The following CPEB4 variants were observed in gnomAD, a reference collection of about 807,000 sequenced individuals.
CPEB4 encodes the protein cytoplasmic polyadenylation element-binding protein 4.
In CPEB4, 12 loss-of-function variants were observed where a neutral mutation model predicts 72.5. That is an observed-to-expected ratio of 0.17 (90% CI 0.11 to 0.27). The LOEUF (loss-of-function observed/expected upper bound fraction) is 0.27, where lower values mean the gene tolerates loss of function less well. Ranked by LOEUF, CPEB4 falls within the 10% of genes least tolerant of loss-of-function variation. CPEB4 has a pLI of 1.00. For synonymous variants in CPEB4, 302 were observed against 326.3 expected (o/e 0.93, Z 0.80); for missense variants, 614 against 908.5 (o/e 0.68, Z 4.17).
rs1758360063 is a variant in CPEB4, at chr5:173,955,821, T to C, written c.1963-89T>C. 2 of 1,039,806 alleles carry C rather than the reference T, an allele frequency of 1.9e-6. No homozygotes were observed. Among genetic ancestry groups the C allele is most frequent in the African/African-American group, 1.6e-5 (1 of 63,382 alleles). 64.4% of individuals were successfully genotyped at this position (1,039,806 alleles called of 1,614,324 possible). A position where few individuals can be genotyped will look rare whatever the true frequency, so the allele number is the denominator to read the frequency against. ...CCTCTTTGGGCACCTTGGAACAGAT[T>C]CATTCAGATAGTGGGTGGAAATGTA... is the stretch of plus-strand genomic sequence containing the variant. On this transcript the variant is annotated intron_variant, in intron 9 of 9. Coordinates refer to ENST00000265085, the MANE Select transcript of CPEB4 (RefSeq NM_030627.4). This position sits in a 1 kb window ranked among gnomAD's most constrained non-coding sequence, Gnocchi z 4.7.
At chr5:173,929,490 A>G (rs1316797432) in intron 2 of CPEB4, among the ~76,000 whole-genome samples, 2 of 152,084 alleles carry the variant, frequency 1.3e-5, no homozygotes, top group African/African-American at 4.8e-5. Context: ...CTTGAGCCCA[A>G]GAGTTCAAGA....
intron 8 of CPEB4, 104 bp downstream of exon 8, chr5:173,952,042 G>C (rs1338694207): frequency 2.7e-6 from 2 of 752,128 alleles, no homozygotes; most frequent in African/African-American, 3.5e-5. Flanking sequence ...CCAAGAGTGA[G>C]AGTTCTAGAA....
At chr5:173,908,063 A>G (rs1349960518) in intron 1 of CPEB4, among the ~76,000 whole-genome samples, 1 of 152,228 alleles carries the variant, frequency 6.6e-6, no homozygotes, top group African/African-American at 2.4e-5. Flanking sequence ...GAAATAGAAC[A>G]TATCCAGCAA....
At chr5:173,927,665 T>C (rs1380629774) in intron 2 of CPEB4, among the ~76,000 whole-genome samples, 4 of 151,998 alleles carry the variant, frequency 2.6e-5, no homozygotes, top group Non-Finnish European at 4.4e-5. Context: ...TAGTCCCAGC[T>C]ACTCGGGAGG....
At chr5:173,925,635 G>A (rs1757216389) in intron 2 of CPEB4, among the ~76,000 whole-genome samples, 1 of 152,150 alleles carries the variant, frequency 6.6e-6, no homozygotes, top group South Asian at 2.1e-4. Context: ...CACATTTCTT[G>A]AGCTTTGCTG....
chr5:173,895,900 A>G (rs1051494654), intron 1 of CPEB4, among the ~76,000 whole-genome samples: 3 of 152,210 alleles, frequency 2.0e-5, no homozygotes, highest in African/African-American at 7.2e-5. Flanking sequence ...CATTGTTCCA[A>G]CACCTTTCAG....
intron 2 of CPEB4, among the ~76,000 whole-genome samples, chr5:173,921,956 T>G (rs1466094997): frequency 5.3e-5 from 8 of 152,204 alleles, no homozygotes; most frequent in Non-Finnish European, 2.9e-5. Flanking sequence ...ACCCAGATCC[T>G]TACGGTAACC....
At chr5:173,891,643 T>C (rs1279902254) in intron 1 of CPEB4, 1 of 152,200 alleles carries the variant, frequency 6.6e-6, no homozygotes, top group Non-Finnish European at 1.5e-5. Flanking sequence ...TTGTCTTTCT[T>C]GCTACCAGAA....
Position 173,888,793 on chromosome 5 carries a change from G to T in CPEB4, c.-941G>T, listed in dbSNP as rs1755698977. ...AACCCCGGAGCCGCAGAGAGGGGAA[G>T]AGGCAGAAACCGCAGGACCTTCCAG... On this transcript the variant is annotated 5_prime_UTR_variant, in exon 1 of 10. Coordinates refer to ENST00000265085, the MANE Select transcript of CPEB4 (RefSeq NM_030627.4). This position sits in a 1 kb window ranked among gnomAD's most constrained non-coding sequence, Gnocchi z 4.3. 1 of 362,218 alleles carries T rather than the reference G, an allele frequency of 2.8e-6. No homozygotes were observed. Among genetic ancestry groups the T allele is most frequent in the Non-Finnish European group, 4.9e-6 (1 of 203,860 alleles). The allele number at this position is 362,218 out of a possible 1,614,324, so 22.4% of individuals were successfully genotyped here.
chr5:173,894,924 A>G (rs1056645603), intron 1 of CPEB4, among the ~76,000 whole-genome samples: 2 of 152,214 alleles, frequency 1.3e-5, no homozygotes, highest in Non-Finnish European at 2.9e-5. Flanking sequence ...GAGTATTGAA[A>G]GGGGAAAATA....
intron 5 of CPEB4, among the ~76,000 whole-genome samples, chr5:173,945,527 T>C (rs1182449116): frequency 1.3e-5 from 2 of 152,216 alleles, no homozygotes; most frequent in Non-Finnish European, 2.9e-5. Context: ...TATAGTTCAT[T>C]GTTTAAAATC....
intron 3 of CPEB4, among the ~76,000 whole-genome samples, chr5:173,942,742 A>G (rs561382532): frequency 1.3e-5 from 2 of 152,346 alleles, no homozygotes; most frequent in East Asian, 3.8e-4. Context: ...TTAGTTTCAT[A>G]ATAGTTTGAA....
chr5:173,911,946 T>C (rs1756680634), intron 2 of CPEB4, among the ~76,000 whole-genome samples: 1 of 152,194 alleles, frequency 6.6e-6, no homozygotes, highest in African/African-American at 2.4e-5. Flanking sequence ...AAAAACATTT[T>C]ATGTATTTTT....
At chr5:173,918,929 CTTT>C (rs1221269370) in intron 2 of CPEB4, among the ~76,000 whole-genome samples, 1 of 151,976 alleles carries the variant, frequency 6.6e-6, no homozygotes, top group Non-Finnish European at 1.5e-5. Context: ...TCGTTTTATT[CTTT>C]GTTACCTGAG....
rs539479643 is a variant in CPEB4, at chr5:173,925,358, A to G, written c.1208-7092A>G. ...GAGGGGACAAGACTCTTCAGCTGAT[A>G]TCTGTCTCAGCCAGTTCCTTCTTTG... On this transcript the variant is annotated intron_variant, in intron 2 of 9. Coordinates refer to ENST00000265085, the MANE Select transcript of CPEB4 (RefSeq NM_030627.4). Among the ~76,000 whole-genome samples the G allele has an allele frequency of 3.3e-5, 5 of 152,310 alleles. No individual in the cohort carries two copies. The South Asian group carries it at 1.0e-3, about 32-fold the overall frequency.
At chr5:173,939,340 C>T (rs912457647) in intron 3 of CPEB4, among the ~76,000 whole-genome samples, 4 of 68,716 alleles carry the variant, frequency 5.8e-5, no homozygotes, top group Non-Finnish European at 9.9e-5. Context: ...CTTTGAAATA[C>T]GTACATACAT....
At chr5:173,928,198 T>C (rs1215117888) in intron 2 of CPEB4, among the ~76,000 whole-genome samples, 1 of 152,200 alleles carries the variant, frequency 6.6e-6, no homozygotes, top group Non-Finnish European at 1.5e-5. Context: ...CTACTTTGTA[T>C]GATACCATAA....
At chr5:173,910,851 C>T (rs770506380) in intron 2 of CPEB4, 34 of 423,816 alleles carry the variant, frequency 8.0e-5, no homozygotes, top group Non-Finnish European at 1.3e-4. Flanking sequence ...GGGCAATTAT[C>T]TCAAAGACAC....
intron 5 of CPEB4, among the ~76,000 whole-genome samples, chr5:173,945,439 T>G (rs1203537116): frequency 6.6e-6 from 1 of 152,228 alleles, no homozygotes; most frequent in Non-Finnish European, 1.5e-5. Flanking sequence ...TGCGTTTTTG[T>G]CTGTGTGTGC....
Sources: allele counts gnomAD v4.1 joint callset (sites outside exome capture counted in the v4.1 genomes callset), GRCh38; gene constraint gnomAD v4.1.1; non-coding constraint Gnocchi (gnomAD v3.1); transcripts MANE v1.5; gene names NCBI Gene and HGNC (gene_info 2026-07-23, HGNC 2026-07-21).